The following KCMF1 variants were observed in gnomAD, a reference collection of about 807,000 sequenced individuals.
The protein encoded by KCMF1 is E3 ubiquitin-protein ligase KCMF1.
A neutral mutation model predicts 41.1 loss-of-function variants in KCMF1; 3 were observed. The ratio of observed to expected loss-of-function variants is 0.07; its 90% confidence interval spans 0.03 to 0.19. KCMF1 has a LOEUF of 0.19. Among genes scored for constraint, KCMF1 ranks in the 10% least tolerant of loss-of-function variants. The pLI is 1.00. For synonymous variants in KCMF1, 142 were observed against 164.5 expected, an observed-to-expected ratio of 0.86 and a Z score of 1.04; for missense variants, 286 against 488.9, an observed-to-expected ratio of 0.58 and a Z score of 3.91.
chr2:85,023,567 C>G (rs548431166), intron 1 of KCMF1, among the ~76,000 whole-genome samples: 1 of 152,086 alleles, frequency 6.6e-6, no homozygotes, highest in South Asian at 2.1e-4. Context: ...GTGATCCGCC[C>G]GCCTCGGTCT....
At chr2:85,008,382 T>A (rs9677103) in intron 1 of KCMF1, among the ~76,000 whole-genome samples, 62 of 8,536 alleles carry the variant, frequency 7.3e-3, no homozygotes, top group Admixed American at 0.012. Context: ...TATGATATAT[T>A]ATATATGATA....
intron 1 of KCMF1, among the ~76,000 whole-genome samples, chr2:84,985,595 C>T (rs1481363517): frequency 6.6e-6 from 1 of 151,480 alleles, no homozygotes; most frequent in Non-Finnish European, 1.5e-5. Flanking sequence ...CTTTGGGAAG[C>T]CCAGGCAGGC....
chr2:85,009,816 A>C (rs1450861260), intron 1 of KCMF1, among the ~76,000 whole-genome samples: 1 of 152,196 alleles, frequency 6.6e-6, no homozygotes, highest in Admixed American at 6.5e-5. Context: ...TTTCCACTTG[A>C]AGTGCAGCAT....
At chr2:85,045,113 A>G (rs1278838445) in intron 4 of KCMF1, among the ~76,000 whole-genome samples, 1 of 151,932 alleles carries the variant, frequency 6.6e-6, no homozygotes, top group Non-Finnish European at 1.5e-5. Context: ...GGTGGCACAC[A>G]CCTGTGGTCC....
At chr2:85,030,947 C>A (rs1675252137) in intron 2 of KCMF1, among the ~76,000 whole-genome samples, 1 of 152,184 alleles carries the variant, frequency 6.6e-6, no homozygotes, top group Non-Finnish European at 1.5e-5. Flanking sequence ...ATCTGCCTGC[C>A]TCAGCCTCCC....
chr2:85,049,701 TAC>T, intron 6 of KCMF1, 53 bp downstream of exon 6: 1 of 1,388,952 alleles, frequency 7.2e-7, no homozygotes, highest in Non-Finnish European at 1.0e-6. Context: ...TTATTGCCAC[TAC>T]AGTCTGGAAT....
At chr2:85,032,092 T>A (rs1675290501) in intron 2 of KCMF1, among the ~76,000 whole-genome samples, 1 of 152,130 alleles carries the variant, frequency 6.6e-6, no homozygotes, top group Non-Finnish European at 1.5e-5. Flanking sequence ...ACAATTGATT[T>A]TTTTTTTCAT....
At chr2:85,036,722 G>T (rs1401631412) in intron 3 of KCMF1, among the ~76,000 whole-genome samples, 1 of 151,538 alleles carries the variant, frequency 6.6e-6, no homozygotes, top group African/African-American at 2.4e-5. Context: ...AGCTCAGGAG[G>T]TTGAGGCTGC....
chr2:84,995,985 T>C (rs1327963979), intron 1 of KCMF1, among the ~76,000 whole-genome samples: 2 of 152,246 alleles, frequency 1.3e-5, no homozygotes, highest in East Asian at 1.9e-4. Flanking sequence ...ACAGACATGT[T>C]GTATTGAAGT....
chr2:85,048,163 A>G (rs770825752), intron 5 of KCMF1, among the ~76,000 whole-genome samples: 6 of 152,226 alleles, frequency 3.9e-5, no homozygotes, highest in Non-Finnish European at 5.9e-5. Context: ...CATGTTATTT[A>G]AAAGTTAGAT....
intron 1 of KCMF1, among the ~76,000 whole-genome samples, chr2:85,005,470 A>T (rs988622698): frequency 1.3e-5 from 2 of 150,736 alleles, no homozygotes; most frequent in Non-Finnish European, 3.0e-5. Flanking sequence ...TTGTATTTTT[A>T]GTAGAGACAG....
At chr2:85,011,417 C>A (rs1674650295) in intron 1 of KCMF1, among the ~76,000 whole-genome samples, 1 of 152,302 alleles carries the variant, frequency 6.6e-6, no homozygotes, top group Non-Finnish European at 1.5e-5. Context: ...CTTATTGTAT[C>A]ACTGCTTCTG....
intron 3 of KCMF1, among the ~76,000 whole-genome samples, chr2:85,042,447 T>C (rs1675561405): frequency 6.6e-6 from 1 of 152,224 alleles, no homozygotes; most frequent in African/African-American, 2.4e-5. Context: ...CCCACTGTGC[T>C]GGCAGCAGAC....
At chr2:85,047,997 G>A (rs1675712485) in intron 5 of KCMF1, among the ~76,000 whole-genome samples, 1 of 152,070 alleles carries the variant, frequency 6.6e-6, no homozygotes, top group African/African-American at 2.4e-5. Context: ...ATAACTGTTG[G>A]GTACTGGGCT....
At chr2:85,016,193 T>G (rs184178217) in intron 1 of KCMF1, among the ~76,000 whole-genome samples, 10 of 152,324 alleles carry the variant, frequency 6.6e-5, no homozygotes, top group Admixed American at 2.0e-4. Flanking sequence ...ATCTTGCTCC[T>G]GGATCATGCT....
intron 1 of KCMF1, among the ~76,000 whole-genome samples, chr2:84,996,134 A>C (rs1029363097): frequency 1.3e-5 from 2 of 152,164 alleles, no homozygotes; most frequent in Non-Finnish European, 2.9e-5. Flanking sequence ...CCTATATAAA[A>C]ATTGATTTAG....
intron 1 of KCMF1, among the ~76,000 whole-genome samples, chr2:85,020,587 G>C (rs898011435): frequency 6.6e-6 from 1 of 151,990 alleles, no homozygotes; most frequent in Non-Finnish European, 1.5e-5. Flanking sequence ...CACTACACCT[G>C]GCTAATTTTT....
At chr2:85,041,955 A>T (rs1675548063) in intron 3 of KCMF1, among the ~76,000 whole-genome samples, 1 of 152,186 alleles carries the variant, frequency 6.6e-6, no homozygotes, top group Non-Finnish European at 1.5e-5. Context: ...AGATAGTAAA[A>T]GTTAAATCCC....
chr2:84,975,502 T>G lies in KCMF1; in HGVS notation c.16+4035T>G, dbSNP rs546852567. Among the ~76,000 whole-genome samples, 5 of 152,236 alleles carry G rather than the reference T, an allele frequency of 3.3e-5. No homozygotes were observed. In the South Asian group the frequency reaches 8.3e-4, roughly 25 times the overall value. ...TGTTCCTCAGGAGTGGACAACAGGC[T>G]CCCCACCCTACAGACCCTTAGTGGA... is the stretch of plus-strand genomic sequence containing the variant. On this transcript the variant is annotated intron_variant, in intron 1 of 6. Transcript: ENST00000409785.
Sources: gnomAD v4.1 joint callset for allele counts (sites outside exome capture counted in the v4.1 genomes callset) on GRCh38, gnomAD v4.1.1 for gene constraint, MANE v1.5 for transcripts, NCBI Gene and HGNC (gene_info 2026-07-23, HGNC 2026-07-21) for gene names.